RAB5IF: variants seen among roughly 807,000 people sequenced by gnomAD.
RAB5IF encodes the protein GEL complex subunit OPTI.
RAB5IF carries 15 observed loss-of-function variants against 20.3 expected under a neutral mutation model. That is an observed-to-expected ratio of 0.74 (90% confidence interval 0.50 to 1.14). RAB5IF has a LOEUF of 1.14. RAB5IF is among the 50% of genes most tolerant of loss of function. The pLI, the probability that RAB5IF is intolerant of heterozygous loss-of-function variation, is 0.00. For missense variants in RAB5IF, 148 were observed against 159.5 expected (o/e 0.93, Z 0.39); for synonymous variants, 67 against 63.7 (o/e 1.05, Z -0.25).
chr20:36,611,302 A>T (rs930168019), intron 3 of RAB5IF, among the ~76,000 whole-genome samples: 13 of 151,708 alleles, frequency 8.6e-5, no homozygotes, highest in Admixed American at 5.3e-4. Flanking sequence ...ATTTTTTTTT[A>T]AATTATACTC....
At position 36,606,355 on chromosome 20, in the gene RAB5IF, G is replaced by A. The variant is rs372583818; in HGVS notation, c.114+290G>A. Among the ~76,000 whole-genome samples the A allele has an allele frequency of 3.9e-5, 6 of 152,346 alleles. No individual in the cohort carries two copies. The South Asian group carries it at 1.2e-3, about 32-fold the overall frequency. On this transcript the variant is annotated intron_variant, in intron 1 of 3. Transcript: ENST00000344795. The stretch of plus-strand genomic sequence containing the variant: ...AGGGTTTGTGCCTGAACTGGGAAAG[G>A]GAGCTGAATTCGATTCGGCCTCCGC...
chr20:36,607,538 T>C (rs1327194295), intron 1 of RAB5IF, among the ~76,000 whole-genome samples, 177 bp from the exon 2 acceptor site: 1 of 152,156 alleles, frequency 6.6e-6, no homozygotes, highest in Non-Finnish European at 1.5e-5. Context: ...CCCCTAAATG[T>C]ATCATTTCTA....
Position 36,605,885 on chromosome 20 carries a change from C to G in RAB5IF, c.-67C>G. Reference sequence around the variant, plus strand: ...CCGCCCCGCGCCGTGACCTGCGACCCTAGACCCCGACTCCCTTTGGCTCAG... The same window carrying G: ...CCGCCCCGCGCCGTGACCTGCGACCGTAGACCCCGACTCCCTTTGGCTCAG... On this transcript the variant is annotated 5_prime_UTR_variant, in exon 1 of 4. Coordinates refer to ENST00000344795, the MANE Select transcript of RAB5IF (RefSeq NM_018840.5). 2 of 964,396 alleles carry G rather than the reference C, an allele frequency of 2.1e-6. No individual in the cohort carries two copies. The highest frequency in any genetic ancestry group is 2.8e-6 in the Non-Finnish European group (2 of 704,618). The allele number at this position is 964,396 out of a possible 1,614,324, so 59.7% of individuals were successfully genotyped here.
At position 36,611,991 on chromosome 20, in the gene RAB5IF, G is replaced by A. The variant is rs2039135430; in HGVS notation, c.349-19G>A. On this transcript the variant is annotated intron_variant, in intron 3 of 3. Coordinates refer to ENST00000344795, the MANE Select transcript of RAB5IF (RefSeq NM_018840.5). ...TGTTAAGCCAGGTGACCTATGAACAGTGCTTGTCTCCTCACTAGGTCATTT... is the reference window on the plus strand; with the variant it reads ...TGTTAAGCCAGGTGACCTATGAACAATGCTTGTCTCCTCACTAGGTCATTT... 6.2e-7 allele frequency: 1 copy of A among 1,613,970 alleles called. No homozygotes were observed. The highest frequency in any genetic ancestry group is 8.5e-7 in the Non-Finnish European group (1 of 1,180,004).
intron 1 of RAB5IF, among the ~76,000 whole-genome samples, chr20:36,606,740 T>C (rs2038943873): frequency 6.6e-6 from 1 of 152,196 alleles, no homozygotes. Flanking sequence ...CTTCAGAACG[T>C]TCTTACTCGT....
intron 2 of RAB5IF, among the ~76,000 whole-genome samples, chr20:36,609,200 C>T (rs1306622671): frequency 6.4e-4 from 35 of 54,568 alleles, no homozygotes; most frequent in Non-Finnish European, 1.1e-3. Context: ...CACACGCACA[C>T]ACGCACACAC....
chr20:36,611,872 A>AGG lies in RAB5IF; in HGVS notation c.349-137_349-136insGG, dbSNP rs1028017750. 1.4e-5 allele frequency: 16 copies of AGG among 1,106,848 alleles called. No homozygotes were observed. The African/African-American group carries it at 2.3e-4, about 16-fold the overall frequency. 68.6% of individuals were successfully genotyped at this position (1,106,848 alleles called of 1,614,324 possible). ...CAGCGTGATTTCAGTGAAATAATTT[A>AGG]GACCCCCCAAGCAGACTGTGCAACG... is the stretch of plus-strand genomic sequence containing the variant. On this transcript the variant is annotated intron_variant, in intron 3 of 3. Coordinates refer to ENST00000344795, the MANE Select transcript of RAB5IF (RefSeq NM_018840.5).
At position 36,612,165 on chromosome 20, in the gene RAB5IF, T is replaced by C. The variant is rs774446475; in HGVS notation, c.*114T>C. The C allele has an allele frequency of 1.2e-6, 2 of 1,614,238 alleles. No homozygotes were observed. The highest frequency in any genetic ancestry group is 2.2e-5 in the South Asian group (2 of 91,088). ...CCTTGGAACTTGGAAGACCCGTGTT[T>C]CCTGGACCGCGAATCAGTGTGTTGG... is the stretch of plus-strand genomic sequence containing the variant. On this transcript the variant is annotated 3_prime_UTR_variant, in exon 4 of 4. Transcript: ENST00000344795.
At chr20:36,609,255 A>AC (rs1568595802) in intron 2 of RAB5IF, among the ~76,000 whole-genome samples, 1 of 116,434 alleles carries the variant, frequency 8.6e-6, no homozygotes, top group African/African-American at 3.7e-5. Context: ...ACACACACAC[A>AC]CTATATATAG....
chr20:36,612,076 C>G lies in RAB5IF; in HGVS notation c.*25C>G, dbSNP rs762996706. The G allele has an allele frequency of 6.2e-6, 10 of 1,614,096 alleles. No individual in the cohort carries two copies. Among genetic ancestry groups the G allele is most frequent in the Admixed American group, 3.3e-5 (2 of 60,000 alleles). ...ATGGTGTACAGCTCCCAAGTGCTCC[C>G]TATCCAGTCCAAAGGACCCTCTTGA... On this transcript the variant is annotated 3_prime_UTR_variant, in exon 4 of 4. Coordinates refer to ENST00000344795, the MANE Select transcript of RAB5IF (RefSeq NM_018840.5).
Position 36,609,184 on chromosome 20 carries a change from C to G in RAB5IF, c.219-417C>G, listed in dbSNP as rs1272196102. Among the ~76,000 whole-genome samples the G allele has an allele frequency of 5.0e-4, 22 of 43,680 alleles. 3 individuals carry two copies. The South Asian group carries it at 0.018, about 35-fold the overall frequency. The allele number at this position is 43,680 out of a possible 152,430, so 28.7% of individuals were successfully genotyped here. A position where few individuals can be genotyped will look rare whatever the true frequency, so the allele number is the denominator to read the frequency against. ...ACACACACACACACACACACACACA[C>G]ACACACACACGCACACACGCACACA... On this transcript the variant is annotated intron_variant, in intron 2 of 3. Coordinates refer to ENST00000344795, the MANE Select transcript of RAB5IF (RefSeq NM_018840.5).
rs1600800708 is a variant in RAB5IF at position 36,607,777 on chromosome 20, T to C, written c.177T>C (p.Ile59=). Residue 59 remains isoleucine (I), a synonymous_variant, in exon 2 of 4, where the codon ATT becomes ATC. Transcript: ENST00000344795. ...RQIIAVVLGV[I]WGVLPLRGFL... ...TCATTGCTGTGGTCCTGGGTGTCAT[T>C]TGGGGAGTTTTGCCATTACGAGGGT... The C allele has an allele frequency of 6.2e-7, 1 of 1,614,016 alleles. No homozygotes were observed. The highest frequency in any genetic ancestry group is 2.2e-5 in the East Asian group (1 of 44,878).
chr20:36,611,874 AC>A, intron 3 of RAB5IF, 135 bp from the exon 4 acceptor site: 1 of 1,123,082 alleles, frequency 8.9e-7, no homozygotes, highest in South Asian at 1.4e-5. Flanking sequence ...AATAATTTAG[AC>A]CCCCCAAGCA....
At chr20:36,609,156 TACACACACACACACAC>T (rs765034845) in intron 2 of RAB5IF, among the ~76,000 whole-genome samples, 8 of 17,052 alleles carry the variant, frequency 4.7e-4, no homozygotes, top group South Asian at 2.3e-3. Context: ...AGAACTATAT[TACACACACACACACAC>T]ACACACACAC....
chr20:36,609,517 G>A (rs947594791), intron 2 of RAB5IF, 84 bp from the exon 3 acceptor site: 5 of 1,504,940 alleles, frequency 3.3e-6, no homozygotes, highest in African/African-American at 1.4e-5. Context: ...TGGGATTACA[G>A]GTGTGAGCCA....
In RAB5IF at chr20:36,612,348, T is replaced by C; in HGVS notation, c.*297T>C. Reference sequence around the variant, plus strand: ...CAAGTGGAGCTGTCATTTAATTTGATGCACCTCTGGATTCAGATGAAACAT... The same window carrying C: ...CAAGTGGAGCTGTCATTTAATTTGACGCACCTCTGGATTCAGATGAAACAT... On this transcript the variant is annotated 3_prime_UTR_variant, in exon 4 of 4. Coordinates refer to ENST00000344795, the MANE Select transcript of RAB5IF (RefSeq NM_018840.5). 1.2e-6 allele frequency: 1 copy of C among 846,478 alleles called. No individual in the cohort carries two copies. The highest frequency in any genetic ancestry group is 1.5e-5 in the South Asian group (1 of 65,778). The allele number at this position is 846,478 out of a possible 1,614,324, so 52.4% of individuals were successfully genotyped here.
At chr20:36,609,549 G>A in intron 2 of RAB5IF, 52 bp from the exon 3 acceptor site, 1 of 1,525,374 alleles carries the variant, frequency 6.6e-7, no homozygotes, top group Non-Finnish European at 8.8e-7. Context: ...CCCGAGTTCT[G>A]AGTCTTCTAA....
intron 1 of RAB5IF, among the ~76,000 whole-genome samples, chr20:36,606,378 C>T (rs773998077): frequency 2.6e-5 from 4 of 152,214 alleles, no homozygotes; most frequent in Non-Finnish European, 4.4e-5. Context: ...ATTCGGCCTC[C>T]GCCTTTTATG....
intron 2 of RAB5IF, among the ~76,000 whole-genome samples, chr20:36,609,156 TACACAC>T (rs765034845): frequency 4.1e-4 from 7 of 17,048 alleles, no homozygotes; most frequent in South Asian, 2.3e-3. Flanking sequence ...AGAACTATAT[TACACAC>T]ACACACACAC....
Sources: allele counts gnomAD v4.1 joint callset (sites outside exome capture counted in the v4.1 genomes callset), GRCh38; gene constraint gnomAD v4.1.1; transcripts MANE v1.5; gene names NCBI Gene and HGNC (gene_info 2026-07-23, HGNC 2026-07-21).